The following CENPA variants were observed in gnomAD, a reference collection of about 807,000 sequenced individuals.
The protein encoded by CENPA is histone H3-like centromeric protein A.
CENPA carries 7 observed loss-of-function variants against 17.2 expected under a neutral mutation model. The ratio of observed to expected loss-of-function variants is 0.41; its 90% CI spans 0.23 to 0.76. CENPA has a LOEUF of 0.76. Among genes scored for constraint, CENPA ranks in the 30% least tolerant of loss-of-function variants. CENPA has a pLI of 0.34. For synonymous variants in CENPA, 82 were observed against 77.4 expected (o/e 1.06, Z -0.31); for missense variants, 149 against 193.1 (o/e 0.77, Z 1.35).
intron 1 of CENPA, among the ~76,000 whole-genome samples, chr2:26,788,441 C>A (rs1000754062): frequency 6.6e-6 from 1 of 151,990 alleles, no homozygotes; most frequent in East Asian, 1.9e-4. Flanking sequence ...TATTTCATAC[C>A]TTTTTCTCCC....
chr2:26,786,176 C>G lies in CENPA; in HGVS notation c.-21C>G. The G allele has an allele frequency of 7.0e-7, 1 of 1,433,142 alleles. No homozygotes were observed. The highest frequency in any genetic ancestry group is 9.1e-7 in the Non-Finnish European group (1 of 1,100,112). 88.8% of individuals were successfully genotyped at this position (1,433,142 alleles called of 1,614,324 possible). On this transcript the variant is annotated 5_prime_UTR_variant, in exon 1 of 5. Transcript: ENST00000335756. ...GAGCAGGAGCCGTGGGACCGGGCGC[C>G]AGCACCCTCTGCGGCGTGTCATGGG...
intron 4 of CENPA, 127 bp from the exon 5 acceptor site, chr2:26,793,685 A>G (rs1664661799): frequency 6.7e-6 from 1 of 150,186 alleles, no homozygotes. Flanking sequence ...GATTAAGAGA[A>G]AACTTTCTAA....
At chr2:26,786,807 G>T (rs911552452) in intron 1 of CENPA, among the ~76,000 whole-genome samples, 11 of 151,818 alleles carry the variant, frequency 7.2e-5, no homozygotes, top group East Asian at 1.9e-4. Flanking sequence ...TCTTTCAGGG[G>T]TTTTTTTTCC....
intron 1 of CENPA, 63 bp from the exon 2 acceptor site, chr2:26,792,068 C>T (rs1664627077): frequency 1.4e-6 from 2 of 1,399,104 alleles, no homozygotes; most frequent in African/African-American, 1.4e-5. Flanking sequence ...GACAGCTTAC[C>T]TGACTCAGCC....
chr2:26,787,659 G>T (rs926361947), intron 1 of CENPA, among the ~76,000 whole-genome samples: 2 of 152,144 alleles, frequency 1.3e-5, no homozygotes, highest in African/African-American at 4.8e-5. Flanking sequence ...GGGACTACAG[G>T]CATATGCCAC....
chr2:26,786,368 C>T, intron 1 of CENPA, 72 bp downstream of exon 1: 4 of 1,277,626 alleles, frequency 3.1e-6, no homozygotes, highest in South Asian at 5.2e-5. Flanking sequence ...TCTCCCGAGT[C>T]CCGATCCCGT....
intron 1 of CENPA, among the ~76,000 whole-genome samples, chr2:26,790,551 C>T (rs1185340082): frequency 3.3e-5 from 5 of 152,214 alleles, no homozygotes; most frequent in African/African-American, 1.2e-4. Flanking sequence ...GTCTCGAACT[C>T]CTGACCTCAG....
intron 4 of CENPA, 85 bp downstream of exon 4, chr2:26,793,411 C>G: frequency 8.2e-7 from 1 of 1,222,612 alleles, no homozygotes; most frequent in South Asian, 1.5e-5. Flanking sequence ...GTCACCTCGC[C>G]TTCCCTTTGT....
At position 26,792,764 on chromosome 2, in the gene CENPA, A is replaced by G; in HGVS notation, c.219A>G (p.Glu73=). ...RKLPFSRLAR[E]ICVKFTRGVD... is the part of the protein sequence containing the mutation. The stretch of plus-strand genomic sequence containing the variant: ...TCCCCACTCCTTCACAGGCAAGAGA[A>G]ATATGTGTTAAATTCACTCGTGGTG... The change falls in exon 3 of 5, where the codon GAA becomes GAG. Residue 73 remains glutamate, a synonymous_variant. Transcript: ENST00000335756. 6.2e-7 allele frequency: 1 copy of G among 1,614,180 alleles called. No homozygotes were observed. The highest frequency in any genetic ancestry group is 8.5e-7 in the Non-Finnish European group (1 of 1,180,006).
At chr2:26,791,098 C>A (rs1664607057) in intron 1 of CENPA, among the ~76,000 whole-genome samples, 1 of 152,194 alleles carries the variant, frequency 6.6e-6, no homozygotes, top group African/African-American at 2.4e-5. Flanking sequence ...ACTTTATTTT[C>A]ACTAACTTAT....
intron 1 of CENPA, among the ~76,000 whole-genome samples, chr2:26,788,467 A>C (rs1182133654): frequency 6.6e-6 from 1 of 151,808 alleles, no homozygotes; most frequent in African/African-American, 2.4e-5. Context: ...GACTTCCTAC[A>C]GCTCCATTCC....
intron 3 of CENPA, 99 bp from the exon 4 acceptor site, chr2:26,793,046 A>C: frequency 6.7e-7 from 1 of 1,498,774 alleles, no homozygotes; most frequent in Admixed American, 1.8e-5. Flanking sequence ...AGTTTCCTAC[A>C]ATCCTTTGAG....
At chr2:26,792,447 TA>T in intron 2 of CENPA, 1 of 711,278 alleles carries the variant, frequency 1.4e-6, no homozygotes, top group East Asian at 2.7e-5. Context: ...ACTACCTTTT[TA>T]AAACTGTAGT....
chr2:26,791,597 TC>T (rs1253472893), intron 1 of CENPA, among the ~76,000 whole-genome samples: 6 of 152,184 alleles, frequency 3.9e-5, no homozygotes, highest in Non-Finnish European at 5.9e-5. Context: ...CATCTTCACC[TC>T]GCTGGGCCTC....
intron 3 of CENPA, 139 bp downstream of exon 3, chr2:26,792,972 G>A (rs1284567285): frequency 3.2e-6 from 4 of 1,241,850 alleles, no homozygotes; most frequent in Non-Finnish European, 4.6e-6. Flanking sequence ...CTGAGGGTTT[G>A]GAGGCTGGAT....
intron 1 of CENPA, among the ~76,000 whole-genome samples, chr2:26,787,188 G>C (rs1337040887): frequency 6.6e-6 from 1 of 152,212 alleles, no homozygotes; most frequent in Non-Finnish European, 1.5e-5. Context: ...TTGCAGGCAT[G>C]AGCCACTGTG....
intron 1 of CENPA, among the ~76,000 whole-genome samples, chr2:26,790,200 G>T (rs559672588): frequency 7.9e-5 from 12 of 152,024 alleles, no homozygotes; most frequent in African/African-American, 2.9e-4. Context: ...TATTTTGTTT[G>T]TTGAGTTTGG....
In CENPA at chr2:26,792,181, A is replaced by G; in HGVS notation, c.151A>G (p.Ile51Val). The change falls in exon 2 of 5, where the codon ATC becomes GTC. Residue 51 changes from isoleucine (I) to valine (V), a missense_variant. Coordinates refer to ENST00000335756, the MANE Select transcript of CENPA (RefSeq NM_001809.4). ...SRRRQGWLKE[I>V]RKLQKSTHLL... ...GCGGAGACAAGGTTGGCTAAAGGAG[A>G]TCCGAAAGCTTCAGAAGAGCACACA... is the stretch of plus-strand genomic sequence containing the variant. 6.2e-7 allele frequency: 1 copy of G among 1,614,012 alleles called. No homozygotes were observed. The highest frequency in any genetic ancestry group is 1.6e-4 in the Middle Eastern group (1 of 6,062).
Position 26,792,755 on chromosome 2 carries a change from G to A in CENPA, c.211-1G>A. ...TCCTCCCCTTCCCCACTCCTTCACA[G>A]GCAAGAGAAATATGTGTTAAATTCA... On this transcript the variant is annotated splice_acceptor_variant, in intron 2 of 4. Transcript: ENST00000335756. LOFTEE classifies it high-confidence loss of function. 2 of 1,614,054 alleles carry A rather than the reference G, an allele frequency of 1.2e-6. No homozygotes were observed. The highest frequency in any genetic ancestry group is 2.2e-5 in the South Asian group (2 of 91,078).
Sources: gnomAD v4.1 joint callset for allele counts (sites outside exome capture counted in the v4.1 genomes callset) on GRCh38, gnomAD v4.1.1 for gene constraint, MANE v1.5 for transcripts, NCBI Gene and HGNC (gene_info 2026-07-23, HGNC 2026-07-21) for gene names.